Variants in CARNS1 observed in about 807,000 individuals in gnomAD.
CARNS1 encodes ATP-grasp domain containing 1.
In CARNS1, 61 loss-of-function variants were observed where a neutral mutation model predicts 74.0. That is an observed-to-expected ratio of 0.82 (90% CI 0.67 to 1.02). The LOEUF (loss-of-function observed/expected upper bound fraction) is 1.02. Ranked by LOEUF, CARNS1 falls within the 50% of genes least tolerant of loss-of-function variation. The pLI is 0.00. For synonymous variants in CARNS1, 568 were observed against 605.5 expected, an observed-to-expected ratio of 0.94 and a Z score of 0.91; for missense variants, 1,278 against 1,308.4, an observed-to-expected ratio of 0.98 and a Z score of 0.36.
In CARNS1 at chr11:67,417,566, G is replaced by A. The variant is rs1424097426; in HGVS notation, c.163G>A (p.Glu55Lys). Residue 55 changes from glutamate to lysine, a missense_variant, in exon 3 of 10, where the codon GAG becomes AAG. Physicochemically the swap from Glu to Lys is moderately conservative, Grantham distance 56. Around this residue, in one of 3 missense-constraint regions of CARNS1, gnomAD observed 104 missense variants for 127.3 expected, o/e 0.82. Coordinates refer to ENST00000687366, the MANE Select transcript of CARNS1 (RefSeq NM_001166222.2). ...GGGCCTGGACTGCAAGGGATCCCCC[G>A]AGGGGGCCGAGGCCCGGGCTTGGAC... ...DVGLDCKGSP[E>K]GAEARAWTVY... The A allele has an allele frequency of 1.1e-5, 15 of 1,375,144 alleles. No homozygotes were observed. The highest frequency in any genetic ancestry group is 1.5e-5 in the African/African-American group (1 of 66,326). The allele number at this position is 1,375,144 out of a possible 1,614,324, so 85.2% of individuals were successfully genotyped here. A position where few individuals can be genotyped will look rare whatever the true frequency, so the allele number is the denominator to read the frequency against.
At position 67,418,519 on chromosome 11, in the gene CARNS1, G is replaced by A. The variant is rs1434399371; in HGVS notation, c.363G>A (p.Pro121=). 1.8e-5 allele frequency: 28 copies of A among 1,527,754 alleles called. No homozygotes were observed. The highest frequency in any genetic ancestry group is 2.1e-5 in the Non-Finnish European group (24 of 1,141,544). The allele number at this position is 1,527,754 out of a possible 1,614,324, so 94.6% of individuals were successfully genotyped here. The part of the protein sequence containing the change: ...PVLLEGGVQS[P]GNMLLCLSPA... ...TGCTGGAGGGTGGGGTCCAGAGCCC[G>A]GGTGAGTGTATGCTCAAGTTTCCCC... Residue 121 remains proline, a splice_region_variant and synonymous_variant, in exon 4 of 10, where the codon CCG becomes CCA. Transcript: ENST00000687366.
Position 67,419,256 on chromosome 11 carries a change from C to T in CARNS1, c.852+13C>T, listed in dbSNP as rs376778686. 292 of 1,469,006 alleles carry T rather than the reference C, an allele frequency of 2.0e-4. No homozygotes were observed. Among genetic ancestry groups the T allele is most frequent in the Non-Finnish European group, 2.3e-4 (259 of 1,105,596 alleles). The allele number at this position is 1,469,006 out of a possible 1,614,324, so 91.0% of individuals were successfully genotyped here. ...TGATATCCTGCAGGTAACAGACTCTCGCCCACCCTGAGGTCTGTACAGATG... is the reference window on the plus strand; with the variant it reads ...TGATATCCTGCAGGTAACAGACTCTTGCCCACCCTGAGGTCTGTACAGATG... On this transcript the variant is annotated intron_variant, in intron 5 of 9. Coordinates refer to ENST00000687366, the MANE Select transcript of CARNS1 (RefSeq NM_001166222.2).
chr11:67,418,218 A>C (rs928765950), intron 3 of CARNS1, among the ~76,000 whole-genome samples: 5 of 152,168 alleles, frequency 3.3e-5, no homozygotes, highest in Non-Finnish European at 7.4e-5. Flanking sequence ...CACCTAGCCC[A>C]CAGCACCTCT....
Position 67,424,117 on chromosome 11 carries a change from G to A in CARNS1, c.2369G>A (p.Cys790Tyr), listed in dbSNP as rs201274810. 5.0e-6 allele frequency: 8 copies of A among 1,613,886 alleles called. No individual in the cohort carries two copies. Among genetic ancestry groups the A allele is most frequent in the Non-Finnish European group, 6.8e-6 (8 of 1,179,856 alleles). The change falls in exon 10 of 10, where the codon TGC becomes TAC. Residue 790 changes from cysteine (C) to tyrosine (Y), a missense_variant. By Grantham distance (194) the Cys-to-Tyr change is radical. Coordinates refer to ENST00000687366, the MANE Select transcript of CARNS1 (RefSeq NM_001166222.2). ...GCAGCCTTCCGCTGTTGCCTGGGCT[G>A]CGGGTTGCTCGATGGAGTCTTCAAC... ...VQAAFRCCLG[C>Y]GLLDGVFNVE...
Position 67,419,057 on chromosome 11 carries a change from G to A in CARNS1, c.666G>A (p.Gln222=), listed in dbSNP as rs1048958439. The A allele has an allele frequency of 3.2e-6, 5 of 1,558,516 alleles. No individual in the cohort carries two copies. In the Admixed American group the frequency reaches 7.7e-5, roughly 24 times the overall value. The change falls in exon 5 of 10, where the codon CAG becomes CAA. Residue 222 remains glutamine (Q), a synonymous_variant. Transcript: ENST00000687366. Reference sequence around the variant, plus strand: ...TGCTGACAAGGCAGTTGCTGGCCCAGCAGGGTGGTGTGGCTGTGCCAGCAA... The same window carrying A: ...TGCTGACAAGGCAGTTGCTGGCCCAACAGGGTGGTGTGGCTGTGCCAGCAA... ...DRLLTRQLLA[Q]QGGVAVPATL...
In CARNS1 at chr11:67,419,720, G is replaced by C. The variant is rs367605521; in HGVS notation, c.1028-33G>C. 144 of 1,593,726 alleles carry C rather than the reference G, an allele frequency of 9.0e-5. No homozygotes were observed. In the African/African-American group the frequency reaches 1.7e-3, roughly 19 times the overall value. ...TTTGGTGTGGCCTTCTGGCCACTCTGTGCTGGCCTTAGACCTCCCCGTCTT... is the reference window on the plus strand; with the variant it reads ...TTTGGTGTGGCCTTCTGGCCACTCTCTGCTGGCCTTAGACCTCCCCGTCTT... On this transcript the variant is annotated intron_variant, in intron 6 of 9. Transcript: ENST00000687366.
Position 67,424,788 on chromosome 11 carries a change from C to T in CARNS1, c.*187C>T. 4.4e-6 allele frequency: 3 copies of T among 685,762 alleles called. No homozygotes were observed. The highest frequency in any genetic ancestry group is 4.9e-6 in the Non-Finnish European group (2 of 409,458). The allele number at this position is 685,762 out of a possible 1,614,324, so 42.5% of individuals were successfully genotyped here. ...ACCAAGGCATCCTGGACTCAAGGGC[C>T]TCTTGCCCTCCCGAAGGCCCCAGTC... On this transcript the variant is annotated 3_prime_UTR_variant, in exon 10 of 10. Transcript: ENST00000687366.
At chr11:67,419,699 G>C (rs1162830104) in intron 6 of CARNS1, 38 bp downstream of exon 6, 1 of 1,588,344 alleles carries the variant, frequency 6.3e-7, no homozygotes, top group East Asian at 2.3e-5. Flanking sequence ...TGGGAGTTTG[G>C]TGTGGCCTTC....
At position 67,420,760 on chromosome 11, in the gene CARNS1, CGCTGGCCGCCGT is replaced by C. The variant is rs1863673739; in HGVS notation, c.1272_1283del (p.Ala425_Ala428del). ...CGCGTCAAGGCGGCGGCCGAGGCCGCGCTGGCCGCCGTGCTGGCTCTGGAGGCCGGCCTGAGT... is the reference window on the plus strand; with the variant it reads ...CGCGTCAAGGCGGCGGCCGAGGCCGCGCTGGCTCTGGAGGCCGGCCTGAGT... On this transcript the variant is annotated inframe_deletion, in exon 8 of 10. Coordinates refer to ENST00000687366, the MANE Select transcript of CARNS1 (RefSeq NM_001166222.2). 4.0e-6 allele frequency: 5 copies of C among 1,241,870 alleles called. No individual in the cohort carries two copies. The highest frequency in any genetic ancestry group is 3.2e-5 in the East Asian group (1 of 31,282). The allele number at this position is 1,241,870 out of a possible 1,614,324, so 76.9% of individuals were successfully genotyped here. A position where few individuals can be genotyped will look rare whatever the true frequency, so the allele number is the denominator to read the frequency against.
chr11:67,416,452 C>T (rs1863546348), intron 2 of CARNS1: 2 of 1,344,384 alleles, frequency 1.5e-6, no homozygotes, highest in African/African-American at 1.5e-5. Flanking sequence ...GGCACAGAGG[C>T]TCTGGCCCTG....
At position 67,424,999 on chromosome 11, in the gene CARNS1, C is replaced by CTGGG. The variant is rs1404490080; in HGVS notation, c.*399_*402dup. 2.0e-6 allele frequency: 1 copy of CTGGG among 488,832 alleles called. No individual in the cohort carries two copies. Among genetic ancestry groups the CTGGG allele is most frequent in the African/African-American group, 1.9e-5 (1 of 51,378 alleles). 30.3% of individuals were successfully genotyped at this position (488,832 alleles called of 1,614,324 possible). On this transcript the variant is annotated 3_prime_UTR_variant, in exon 10 of 10. Transcript: ENST00000687366. ...CCATCTACAAGAGGAGAGGACCTGG[C>CTGGG]TGGGCCCCAAGCCTTGGACAAATCC...
At position 67,418,796 on chromosome 11, in the gene CARNS1, G is replaced by C; in HGVS notation, c.405G>C (p.Lys135Asn). 4 of 1,600,882 alleles carry C rather than the reference G, an allele frequency of 2.5e-6. No homozygotes were observed. The South Asian group carries it at 4.5e-5, about 18-fold the overall frequency. ...LLCLSPAWLM[K>N]VPAPGQPGEA... is the part of the protein sequence containing the mutation. ...GCCTGTCCCCTGCTTGGCTGATGAA[G>C]GTGCCAGCACCCGGGCAGCCGGGTG... is the stretch of plus-strand genomic sequence containing the variant. Residue 135 changes from lysine (K) to asparagine (N), a missense_variant, in exon 5 of 10, where the codon AAG becomes AAC. Lys to Asn is a moderately conservative substitution (Grantham distance 94). This residue lies in a region of CARNS1 where 1,164 missense variants were observed against 1,156.5 expected (regional missense o/e 1.01). Transcript: ENST00000687366.
rs537788289 is a variant in CARNS1 at position 67,420,674 on chromosome 11, G to A, written c.1179G>A (p.Leu393=). ...ACCACAACTCCCTGCCGAGGACGCTGGAGGTGGCGCTGGCCCAGTGCGGCC... is the reference window on the plus strand; with the variant it reads ...ACCACAACTCCCTGCCGAGGACGCTAGAGGTGGCGCTGGCCCAGTGCGGCC... ...LRHHNSLPRT[L]EVALAQCGLG... Residue 393 remains leucine (L), a synonymous_variant, in exon 8 of 10, where the codon CTG becomes CTA. Transcript: ENST00000687366. 3.1e-4 allele frequency: 395 copies of A among 1,262,142 alleles called. No homozygotes were observed. Among genetic ancestry groups the A allele is most frequent in the Middle Eastern group, 1.8e-3 (6 of 3,314 alleles). The allele number at this position is 1,262,142 out of a possible 1,614,324, so 78.2% of individuals were successfully genotyped here.
chr11:67,422,429 C>T lies in CARNS1; in HGVS notation c.1627-946C>T, dbSNP rs531510776. On this transcript the variant is annotated intron_variant, in intron 9 of 9. Transcript: ENST00000687366. ...AACTCCTGACCTCAAGTGATCTGCCCGCTTTGGCCTCCCAAAGAACTGGGA... is the reference window on the plus strand; with the variant it reads ...AACTCCTGACCTCAAGTGATCTGCCTGCTTTGGCCTCCCAAAGAACTGGGA... Among the ~76,000 whole-genome samples, 7 of 152,090 alleles carry T rather than the reference C, an allele frequency of 4.6e-5. No individual in the cohort carries two copies. The South Asian group carries it at 1.0e-3, about 23-fold the overall frequency.
At chr11:67,416,354 C>A (rs374573901) in intron 2 of CARNS1, 152 bp downstream of exon 2, 18 of 1,461,276 alleles carry the variant, frequency 1.2e-5, no homozygotes, top group Non-Finnish European at 1.5e-5. Flanking sequence ...CCCCACCCTG[C>A]GGCTGCATCC....
chr11:67,419,834 G>A lies in CARNS1; in HGVS notation c.1109G>A (p.Ser370Asn). 6.3e-7 allele frequency: 1 copy of A among 1,579,856 alleles called. No homozygotes were observed. The stretch of plus-strand genomic sequence containing the variant: ...ACACAGGGTGATAGGCCACTGCTGA[G>A]CAAGGTGAGCGTGGCCCAGGCCCAG... ...CRTQGDRPLLSKVVCGVGRGD... is the reference protein window; with the variant it reads ...CRTQGDRPLLNKVVCGVGRGD... The change falls in exon 7 of 10, where the codon AGC becomes AAC. Residue 370 changes from serine to asparagine, a missense_variant. Ser to Asn is a conservative substitution (Grantham distance 46). Coordinates refer to ENST00000687366, the MANE Select transcript of CARNS1 (RefSeq NM_001166222.2).
chr11:67,421,004 G>A lies in CARNS1; in HGVS notation c.1411G>A (p.Gly471Ser). Residue 471 changes from glycine (G) to serine (S), a missense_variant, in exon 9 of 10, where the codon GGC becomes AGC. By Grantham distance (56) the Gly-to-Ser change is moderately conservative. Around this residue, in one of 3 missense-constraint regions of CARNS1, gnomAD observed 1,164 missense variants for 1,156.5 expected, o/e 1.01. Transcript: ENST00000687366. ...CCCAGTGGCCCTGGAGCTGAACGGC[G>A]GCCTGTGTCTGGAGGCGTGCGGCGC... ...LTPVALELNG[G>S]LCLEACGALE... The A allele has an allele frequency of 7.1e-7, 1 of 1,417,636 alleles. No individual in the cohort carries two copies. Among genetic ancestry groups the A allele is most frequent in the South Asian group, 1.4e-5 (1 of 70,828 alleles). The allele number at this position is 1,417,636 out of a possible 1,614,324, so 87.8% of individuals were successfully genotyped here. A position where few individuals can be genotyped will look rare whatever the true frequency, so the allele number is the denominator to read the frequency against.
rs1863777811 is a variant in CARNS1, at chr11:67,424,242, G to A, written c.2494G>A (p.Val832Ile). The A allele has an allele frequency of 6.2e-7, 1 of 1,613,514 alleles. No homozygotes were observed. Among genetic ancestry groups the A allele is most frequent in the African/African-American group, 1.3e-5 (1 of 74,928 alleles). The change falls in exon 10 of 10, where the codon GTT becomes ATT. Residue 832 changes from valine (V) to isoleucine (I), a missense_variant. By Grantham distance (29) the Val-to-Ile change is conservative (BLOSUM62 3). Coordinates refer to ENST00000687366, the MANE Select transcript of CARNS1 (RefSeq NM_001166222.2). ...TGATTGGATCCTGGAGCTCTATGGT[G>A]TTGACCTGCTGCTGGCTGCTGTTAT... ...LRDWILELYG[V>I]DLLLAAVMVA...
At chr11:67,416,324 C>T (rs1392061770) in intron 2 of CARNS1, 122 bp downstream of exon 2, 22 of 1,503,044 alleles carry the variant, frequency 1.5e-5, no homozygotes, top group Admixed American at 2.1e-5. Flanking sequence ...ACAGCTTAGA[C>T]CCACGACCAG....
Sources: gnomAD v4.1 joint callset for allele counts (sites outside exome capture counted in the v4.1 genomes callset) on GRCh38, gnomAD v4.1.1 for gene constraint, gnomAD v4.1.1 regional missense constraint, MANE v1.5 for transcripts, NCBI Gene and HGNC (gene_info 2026-07-23, HGNC 2026-07-21) for gene names.